Variants in MACROD2 observed in about 807,000 individuals in gnomAD.
The protein encoded by MACROD2 is mono-ADP ribosylhydrolase 2.
A neutral mutation model predicts 70.4 loss-of-function variants in MACROD2; 36 were observed. That is an observed-to-expected ratio of 0.51 (90% confidence interval 0.39 to 0.68). MACROD2 has a LOEUF of 0.68. Ranked by LOEUF, MACROD2 falls within the 30% of genes least tolerant of loss-of-function variation. The pLI, the probability that MACROD2 is intolerant of heterozygous loss-of-function variation, is 0.00. For missense variants in MACROD2, 496 were observed against 538.4 expected, an observed-to-expected ratio of 0.92 and a Z score of 0.78; for synonymous variants, 172 against 178.8, an observed-to-expected ratio of 0.96 and a Z score of 0.30.
At chr20:15,521,662 G>GGTA (rs1460673580) in intron 8 of MACROD2, among the ~76,000 whole-genome samples, 4 of 152,176 alleles carry the variant, frequency 2.6e-5, no homozygotes, top group Middle Eastern at 3.4e-3. Flanking sequence ...CCACCTCTTG[G>GGTA]GTAGTCCATT....
At chr20:14,400,167 C>T (rs1017380869) in intron 3 of MACROD2, among the ~76,000 whole-genome samples, 1 of 152,074 alleles carries the variant, frequency 6.6e-6, no homozygotes, top group African/African-American at 2.4e-5. Flanking sequence ...ATTTTTGAAT[C>T]CCTATCAATA....
intron 5 of MACROD2, among the ~76,000 whole-genome samples, chr20:15,104,424 C>G (rs145426962): frequency 6.6e-6 from 1 of 152,182 alleles, no homozygotes; most frequent in Admixed American, 6.5e-5. Flanking sequence ...AGTGCTTTAA[C>G]GTATACTTGG....
At chr20:14,937,270 G>A (rs1422863569) in intron 5 of MACROD2, among the ~76,000 whole-genome samples, 1 of 152,070 alleles carries the variant, frequency 6.6e-6, no homozygotes, top group East Asian at 1.9e-4. Flanking sequence ...AGTAGAAGAG[G>A]TGGTAGGGGG....
intron 4 of MACROD2, among the ~76,000 whole-genome samples, chr20:14,632,625 T>C (rs1568710691): frequency 6.6e-6 from 1 of 152,194 alleles, no homozygotes; most frequent in Non-Finnish European, 1.5e-5. Flanking sequence ...TGACATTCCT[T>C]ATTTAGTCTG....
chr20:15,285,774 T>C (rs1171315487), intron 6 of MACROD2, among the ~76,000 whole-genome samples: 1 of 152,182 alleles, frequency 6.6e-6, no homozygotes, highest in Non-Finnish European at 1.5e-5. Flanking sequence ...CATTATGATG[T>C]TTTGAATTTG....
At chr20:14,004,856 ATATT>A (rs1432183479) in intron 2 of MACROD2, among the ~76,000 whole-genome samples, 33 of 152,152 alleles carry the variant, frequency 2.2e-4, no homozygotes, top group African/African-American at 5.3e-4. Context: ...GAAATGAACA[ATATT>A]TATCGGGTTA....
At chr20:14,175,094 G>T (rs570961993) in intron 3 of MACROD2, among the ~76,000 whole-genome samples, 1 of 152,170 alleles carries the variant, frequency 6.6e-6, no homozygotes, top group East Asian at 1.9e-4. Context: ...GATTCTCTTG[G>T]TTTTCCTGGT....
chr20:13,999,807 T>G (rs1010843775), intron 1 of MACROD2, among the ~76,000 whole-genome samples: 5 of 152,310 alleles, frequency 3.3e-5, no homozygotes, highest in African/African-American at 9.6e-5. Flanking sequence ...GTAACCACAT[T>G]GATAAAAGCA....
intron 7 of MACROD2, among the ~76,000 whole-genome samples, chr20:15,450,437 T>G (rs2046625241): frequency 6.6e-6 from 1 of 152,080 alleles, no homozygotes; most frequent in African/African-American, 2.4e-5. Flanking sequence ...TAAGGTAATT[T>G]TTTATGATTA....
At chr20:15,307,104 C>T (rs559137727) in intron 6 of MACROD2, among the ~76,000 whole-genome samples, 2 of 152,100 alleles carry the variant, frequency 1.3e-5, no homozygotes, top group South Asian at 2.1e-4. Context: ...CACTAGGCCC[C>T]CACTCCAACA....
chr20:14,282,330 T>C (rs1191305909), intron 3 of MACROD2, among the ~76,000 whole-genome samples: 2 of 152,230 alleles, frequency 1.3e-5, no homozygotes, highest in Non-Finnish European at 2.9e-5. Flanking sequence ...CAAATAGTGC[T>C]GACTTGACTG....
At chr20:14,901,292 G>C (rs181993002) in intron 5 of MACROD2, among the ~76,000 whole-genome samples, 2 of 152,142 alleles carry the variant, frequency 1.3e-5, no homozygotes, top group Admixed American at 1.3e-4. Flanking sequence ...AAGCTATAGA[G>C]TGCCTATAAT....
At chr20:16,013,400 G>C (rs2066889621) in intron 15 of MACROD2, among the ~76,000 whole-genome samples, 1 of 152,110 alleles carries the variant, frequency 6.6e-6, no homozygotes, top group Non-Finnish European at 1.5e-5. Flanking sequence ...GGGTGGACCT[G>C]GGATAGGGAA....
intron 8 of MACROD2, among the ~76,000 whole-genome samples, chr20:15,510,854 A>G (rs1213661439): frequency 6.6e-6 from 1 of 152,228 alleles, no homozygotes; most frequent in African/African-American, 2.4e-5. Flanking sequence ...TGTCGTCTAC[A>G]TTTCTATTTA....
chr20:14,657,115 A>G (rs1281409849), intron 4 of MACROD2, among the ~76,000 whole-genome samples: 1 of 152,188 alleles, frequency 6.6e-6, no homozygotes, highest in Non-Finnish European at 1.5e-5. Flanking sequence ...AACATTTTTC[A>G]ATGCATTAGT....
At chr20:13,997,265 A>G (rs1237870519) in intron 1 of MACROD2, among the ~76,000 whole-genome samples, 2 of 152,224 alleles carry the variant, frequency 1.3e-5, no homozygotes, top group South Asian at 2.1e-4. Flanking sequence ...AGCCTGATAG[A>G]TAAAGTAGTG....
At chr20:15,142,523 T>C (rs2076199561) in intron 5 of MACROD2, among the ~76,000 whole-genome samples, 1 of 152,202 alleles carries the variant, frequency 6.6e-6, no homozygotes, top group South Asian at 2.1e-4. Flanking sequence ...TATTTTTTTA[T>C]TATTATACTT....
chr20:15,822,289 G>A (rs2063947017), intron 8 of MACROD2, among the ~76,000 whole-genome samples: 1 of 152,094 alleles, frequency 6.6e-6, no homozygotes, highest in South Asian at 2.1e-4. Flanking sequence ...AAAATGTGGT[G>A]TGTATGTTTT....
At chr20:14,114,452 G>C (rs954175563) in intron 3 of MACROD2, among the ~76,000 whole-genome samples, 2 of 152,118 alleles carry the variant, frequency 1.3e-5, no homozygotes, top group Non-Finnish European at 2.9e-5. Flanking sequence ...AAAGATGACA[G>C]AGTGATTGAT....
Sources: gnomAD v4.1 joint callset for allele counts (sites outside exome capture counted in the v4.1 genomes callset) on GRCh38, gnomAD v4.1.1 for gene constraint, MANE v1.5 for transcripts, NCBI Gene and HGNC (gene_info 2026-07-23, HGNC 2026-07-21) for gene names.